Variants in RGS7BP observed in about 807,000 individuals in gnomAD.
RGS7BP encodes the protein regulator of G protein signaling 7-binding protein.
In RGS7BP, 9 loss-of-function variants were observed where a neutral mutation model predicts 31.3. The observed-to-expected ratio is 0.29, with a 90% confidence interval of 0.17 to 0.50. RGS7BP has a LOEUF of 0.50. RGS7BP is among the 20% of genes least tolerant of loss of function. RGS7BP has a pLI of 0.98. For missense variants in RGS7BP, 274 were observed against 322.0 expected (o/e 0.85, Z 1.14); for synonymous variants, 115 against 120.1 (o/e 0.96, Z 0.28).
intron 2 of RGS7BP, among the ~76,000 whole-genome samples, chr5:64,531,836 A>T (rs905751677): frequency 2.0e-5 from 3 of 152,226 alleles, no homozygotes; most frequent in Non-Finnish European, 2.9e-5. Context: ...GTATTTAGGT[A>T]ATTTAGAGAA....
chr5:64,604,284 A>G (rs1001701727), intron 5 of RGS7BP, among the ~76,000 whole-genome samples: 1 of 152,052 alleles, frequency 6.6e-6, no homozygotes, highest in Non-Finnish European at 1.5e-5. Flanking sequence ...GCCTCCGTGA[A>G]TCTTCCATAA....
chr5:64,526,927 T>C (rs991829348), intron 2 of RGS7BP, among the ~76,000 whole-genome samples: 2 of 152,212 alleles, frequency 1.3e-5, no homozygotes, highest in African/African-American at 4.8e-5. Flanking sequence ...CCTTCCCCTC[T>C]ACCACCTGTA....
At chr5:64,529,643 T>G (rs1376998489) in intron 2 of RGS7BP, among the ~76,000 whole-genome samples, 1 of 152,196 alleles carries the variant, frequency 6.6e-6, no homozygotes, top group Non-Finnish European at 1.5e-5. Context: ...CCAGAATTTT[T>G]AAAATACCTC....
At chr5:64,548,603 G>C (rs1741715829) in intron 2 of RGS7BP, among the ~76,000 whole-genome samples, 1 of 151,974 alleles carries the variant, frequency 6.6e-6, no homozygotes, top group Non-Finnish European at 1.5e-5. Context: ...TCCGCCTCCT[G>C]GTTTCAAGCA....
At chr5:64,521,073 A>C (rs1446574927) in intron 2 of RGS7BP, among the ~76,000 whole-genome samples, 1 of 152,146 alleles carries the variant, frequency 6.6e-6, no homozygotes, top group Non-Finnish European at 1.5e-5. Context: ...CTCCCTCATG[A>C]GATTTCTAGT....
Position 64,567,960 on chromosome 5 carries a change from A to G in RGS7BP, c.333-7814A>G, listed in dbSNP as rs533326653. 5.8e-4 allele frequency among the ~76,000 whole-genome samples: 88 copies of G among 152,266 alleles called. 1 individual carries two copies. The highest frequency in any genetic ancestry group is 3.4e-3 in the Middle Eastern group (1 of 292). Reference sequence around the variant, plus strand: ...ATATCAGGTGAAAATAGTAAGCATCAGAGGCTGAAAATCTTGATTTTAGAT... The same window carrying G: ...ATATCAGGTGAAAATAGTAAGCATCGGAGGCTGAAAATCTTGATTTTAGAT... On this transcript the variant is annotated intron_variant, in intron 2 of 5. Transcript: ENST00000334025.
intron 1 of RGS7BP, among the ~76,000 whole-genome samples, chr5:64,507,095 G>A (rs1452742926): frequency 6.6e-6 from 1 of 152,164 alleles, no homozygotes; most frequent in Non-Finnish European, 1.5e-5. Flanking sequence ...GCTCGCTCAC[G>A]GAGGAGGGAG....
At chr5:64,511,852 C>T (rs550153584) in intron 2 of RGS7BP, among the ~76,000 whole-genome samples, 1 of 152,316 alleles carries the variant, frequency 6.6e-6, no homozygotes, top group South Asian at 2.1e-4. Flanking sequence ...TGAAGTCCTT[C>T]ATGCCCATTC....
At chr5:64,511,890 C>G (rs1482659208) in intron 2 of RGS7BP, among the ~76,000 whole-genome samples, 1 of 152,170 alleles carries the variant, frequency 6.6e-6, no homozygotes, top group Middle Eastern at 3.2e-3. Context: ...GTTAACTGAG[C>G]TAGGTATGTG....
rs181905720 is a variant in RGS7BP, at chr5:64,523,832, C to T, written c.332+15955C>T. Reference sequence around the variant, plus strand: ...GTTAATTTGTTCTGAAGTCAAATTGCTTGAAAGACCCTCTCTTTTGCCAAG... The same window carrying T: ...GTTAATTTGTTCTGAAGTCAAATTGTTTGAAAGACCCTCTCTTTTGCCAAG... On this transcript the variant is annotated intron_variant, in intron 2 of 5. Coordinates refer to ENST00000334025, the MANE Select transcript of RGS7BP (RefSeq NM_001029875.3). 7.2e-5 allele frequency among the ~76,000 whole-genome samples: 11 copies of T among 152,258 alleles called. No homozygotes were observed. In the East Asian group the frequency reaches 2.1e-3, roughly 29 times the overall value.
At position 64,521,028 on chromosome 5, in the gene RGS7BP, G is replaced by A. The variant is rs561589518; in HGVS notation, c.332+13151G>A. ...AAGAGCTCCTGTTCTCCCACAAATG[G>A]TGTTTAAAATCATCACGGTAATTAT... On this transcript the variant is annotated intron_variant, in intron 2 of 5. Coordinates refer to ENST00000334025, the MANE Select transcript of RGS7BP (RefSeq NM_001029875.3). 3.3e-5 allele frequency among the ~76,000 whole-genome samples: 5 copies of A among 152,282 alleles called. No individual in the cohort carries two copies. In the South Asian group the frequency reaches 1.0e-3, roughly 32 times the overall value.
chr5:64,597,363 G>A (rs1743098779), intron 4 of RGS7BP, among the ~76,000 whole-genome samples: 1 of 151,988 alleles, frequency 6.6e-6, no homozygotes, highest in South Asian at 2.1e-4. Flanking sequence ...GTCAGGAAGT[G>A]TGGGAGGACG....
At chr5:64,533,194 T>C (rs1326609866) in intron 2 of RGS7BP, among the ~76,000 whole-genome samples, 2 of 152,190 alleles carry the variant, frequency 1.3e-5, no homozygotes, top group African/African-American at 2.4e-5. Flanking sequence ...ATCTTCCACC[T>C]GCATTCAGAA....
chr5:64,509,989 C>G (rs907732073), intron 2 of RGS7BP, among the ~76,000 whole-genome samples: 4 of 152,090 alleles, frequency 2.6e-5, no homozygotes, highest in Non-Finnish European at 4.4e-5. Flanking sequence ...GATGTGATTC[C>G]CTTTGGCGGA....
chr5:64,523,454 G>A (rs897458107), intron 2 of RGS7BP, among the ~76,000 whole-genome samples: 1 of 152,176 alleles, frequency 6.6e-6, no homozygotes, highest in Admixed American at 6.5e-5. Flanking sequence ...GTGGCTCTCA[G>A]CCATTAGTGT....
rs113296154 is a variant in RGS7BP at position 64,548,400 on chromosome 5, G to A, written c.333-27374G>A. On this transcript the variant is annotated intron_variant, in intron 2 of 5. Transcript: ENST00000334025. Reference sequence around the variant, plus strand: ...TGAACTTAACAAAAATGTTTGACACGTTTGCCTATATAATAATTTAAAATT... The same window carrying A: ...TGAACTTAACAAAAATGTTTGACACATTTGCCTATATAATAATTTAAAATT... Among the ~76,000 whole-genome samples, 930 of 152,246 alleles carry A rather than the reference G, an allele frequency of 6.1e-3. 16 individuals are homozygous for A. The highest frequency in any genetic ancestry group is 0.02 in the African/African-American group (838 of 41,540).
intron 3 of RGS7BP, among the ~76,000 whole-genome samples, chr5:64,594,340 T>C (rs1483208250): frequency 6.6e-6 from 1 of 152,134 alleles, no homozygotes. Context: ...CTCCTGCATC[T>C]AAGCACCAAA....
chr5:64,607,621 G>T (rs1323251848), intron 5 of RGS7BP, among the ~76,000 whole-genome samples: 2 of 152,022 alleles, frequency 1.3e-5, no homozygotes, highest in African/African-American at 4.8e-5. Flanking sequence ...TCATGTAGAT[G>T]AAGCCTCCAG....
At chr5:64,560,440 T>C (rs2111860747) in intron 2 of RGS7BP, among the ~76,000 whole-genome samples, 1 of 152,234 alleles carries the variant, frequency 6.6e-6, no homozygotes, top group South Asian at 2.1e-4. Flanking sequence ...AGTGAAGTTG[T>C]GCAAGATGAC....
Sources: allele counts gnomAD v4.1 joint callset (sites outside exome capture counted in the v4.1 genomes callset), GRCh38; gene constraint gnomAD v4.1.1; transcripts MANE v1.5; gene names NCBI Gene and HGNC (gene_info 2026-07-23, HGNC 2026-07-21).